STXBP5L: variants seen among roughly 807,000 people sequenced by gnomAD.
STXBP5L encodes syntaxin binding protein 5L, also known as syntaxin-binding protein 5-like.
STXBP5L carries 65 observed loss-of-function variants against 144.5 expected under a neutral mutation model. That is an observed-to-expected ratio of 0.45 (90% CI 0.37 to 0.55). STXBP5L has a LOEUF of 0.55. STXBP5L is among the 20% of genes least tolerant of loss of function. The pLI is 0.00. For missense variants in STXBP5L, 1,298 were observed against 1,405.5 expected (o/e 0.92, Z 1.22); for synonymous variants, 505 against 469.6 (o/e 1.08, Z -0.97).
chr3:120,977,638 T>C (rs2686648), intron 3 of STXBP5L, among the ~76,000 whole-genome samples: 78,209 of 151,878 alleles, frequency 0.51, 20,587 homozygotes, highest in Admixed American at 0.6. Flanking sequence ...TCTTCCTAGC[T>C]TCGATGGTCT....
chr3:121,211,767 A>T (rs2048579866), intron 10 of STXBP5L, among the ~76,000 whole-genome samples: 1 of 151,740 alleles, frequency 6.6e-6, no homozygotes, highest in South Asian at 2.1e-4. Context: ...ACTTTAGAAG[A>T]GACAGGGTTA....
In STXBP5L at chr3:120,984,632, C is replaced by CTTTTTTTTTTTTTTTTTTT. The variant is rs35656223; in HGVS notation, c.287+29599_287+29617dup. Among the ~76,000 whole-genome samples the CTTTTTTTTTTTTTTTTTTT allele has an allele frequency of 2.5e-3, 182 of 71,956 alleles. 1 individual carries two copies. The highest frequency in any genetic ancestry group is 6.2e-3 in the Admixed American group (28 of 4,550). The allele number at this position is 71,956 out of a possible 152,430, so 47.2% of individuals were successfully genotyped here. On this transcript the variant is annotated intron_variant, in intron 3 of 26. Transcript: ENST00000471454. ...TGGATGCCTTTCATTTCTTTCTTTCCTTTTTTTTTTTTTTTTTTTTTTGCC... is the reference window on the plus strand; with the variant it reads ...TGGATGCCTTTCATTTCTTTCTTTCCTTTTTTTTTTTTTTTTTTTTTTTTTTTTTTTTTTTTTTTTTGCC...
At chr3:120,959,131 T>A (rs1938423575) in intron 3 of STXBP5L, among the ~76,000 whole-genome samples, 1 of 152,176 alleles carries the variant, frequency 6.6e-6, no homozygotes, top group Non-Finnish European at 1.5e-5. Context: ...AGCCAAATCA[T>A]GAGTGAACTC....
intron 5 of STXBP5L, among the ~76,000 whole-genome samples, chr3:121,075,208 C>G (rs892615570): frequency 2.6e-5 from 4 of 152,134 alleles, no homozygotes; most frequent in Non-Finnish European, 5.9e-5. Context: ...TTGCCTCTAT[C>G]CTTTTCTCTC....
intron 9 of STXBP5L, among the ~76,000 whole-genome samples, chr3:121,190,913 G>A (rs953557852): frequency 6.6e-5 from 10 of 151,970 alleles, no homozygotes; most frequent in South Asian, 2.1e-4. Context: ...GGTCACGGCC[G>A]GGCAGAGGAG....
intron 20 of STXBP5L, among the ~76,000 whole-genome samples, chr3:121,353,958 G>A (rs758004952): frequency 4.6e-5 from 7 of 152,244 alleles, no homozygotes; most frequent in Non-Finnish European, 5.9e-5. Flanking sequence ...TCATTCAGTG[G>A]CAAGTTGTTC....
chr3:120,960,001 A>G (rs1392043232), intron 3 of STXBP5L, among the ~76,000 whole-genome samples: 1 of 152,198 alleles, frequency 6.6e-6, no homozygotes, highest in East Asian at 1.9e-4. Context: ...TTTGCAATCT[A>G]CCTATCTGAC....
intron 5 of STXBP5L, among the ~76,000 whole-genome samples, chr3:121,107,497 G>C (rs551312613): frequency 1.3e-5 from 2 of 152,062 alleles, no homozygotes; most frequent in Non-Finnish European, 2.9e-5. Flanking sequence ...GCTTCTTTTT[G>C]TCAGGTTTGT....
chr3:120,928,425 G>A (rs1043648979), intron 2 of STXBP5L, among the ~76,000 whole-genome samples: 2 of 152,030 alleles, frequency 1.3e-5, no homozygotes, highest in Admixed American at 6.6e-5. Flanking sequence ...ACCACGCCTG[G>A]CTAATTTTTG....
intron 3 of STXBP5L, among the ~76,000 whole-genome samples, chr3:120,982,571 C>G (rs1941889655): frequency 6.6e-6 from 1 of 152,218 alleles, no homozygotes; most frequent in South Asian, 2.1e-4. Flanking sequence ...TAACTGAGGG[C>G]TGCAGAAAAT....
chr3:121,191,521 A>T (rs987213715), intron 9 of STXBP5L, among the ~76,000 whole-genome samples: 6 of 152,058 alleles, frequency 3.9e-5, no homozygotes, highest in Non-Finnish European at 4.4e-5. Context: ...CATCAGAGGG[A>T]GACTGTGCAA....
chr3:121,109,011 TAAA>T (rs2043849398), intron 5 of STXBP5L, among the ~76,000 whole-genome samples: 1 of 152,118 alleles, frequency 6.6e-6, no homozygotes, highest in African/African-American at 2.4e-5. Flanking sequence ...AGTATGCAAA[TAAA>T]TTAGTGCAAA....
chr3:121,084,569 G>A (rs540914120), intron 5 of STXBP5L, among the ~76,000 whole-genome samples: 19 of 152,182 alleles, frequency 1.2e-4, no homozygotes, highest in African/African-American at 4.6e-4. Flanking sequence ...AGTATTCCAT[G>A]GTGTATATGT....
intron 9 of STXBP5L, among the ~76,000 whole-genome samples, chr3:121,177,394 T>C (rs1382599474): frequency 6.6e-6 from 1 of 152,118 alleles, no homozygotes; most frequent in South Asian, 2.1e-4. Context: ...ATGTAAAGAA[T>C]TCCTACAACT....
chr3:121,008,722 G>A (rs963275768), intron 3 of STXBP5L, among the ~76,000 whole-genome samples: 4 of 151,970 alleles, frequency 2.6e-5, no homozygotes, highest in Admixed American at 1.3e-4. Flanking sequence ...CAATGGTAAT[G>A]TGTCCTTTAT....
At chr3:121,117,539 G>T (rs570953158) in intron 6 of STXBP5L, among the ~76,000 whole-genome samples, 2 of 151,742 alleles carry the variant, frequency 1.3e-5, no homozygotes, top group East Asian at 3.9e-4. Flanking sequence ...GTTAATATGT[G>T]TCAAGTGTAT....
rs145436567 is a variant in STXBP5L at position 121,085,867 on chromosome 3, A to T, written c.471-29058A>T. Among the ~76,000 whole-genome samples the T allele has an allele frequency of 7.4e-4, 113 of 152,270 alleles. 1 individual carries two copies. In the East Asian group the frequency reaches 0.02, roughly 27 times the overall value. On this transcript the variant is annotated intron_variant, in intron 5 of 26. Coordinates refer to ENST00000471454, the MANE Select transcript of STXBP5L (RefSeq NM_001308330.2). Reference sequence around the variant, plus strand: ...CCAAAAAAGGGCCCACATAGCCAAGACAATCCTAAGCAAAAAGAACAAAGC... The same window carrying T: ...CCAAAAAAGGGCCCACATAGCCAAGTCAATCCTAAGCAAAAAGAACAAAGC...
intron 19 of STXBP5L, among the ~76,000 whole-genome samples, chr3:121,297,670 C>T (rs2051714341): frequency 6.6e-6 from 1 of 152,122 alleles, no homozygotes; most frequent in Non-Finnish European, 1.5e-5. Context: ...ATGAGAATTG[C>T]TTGAACCCAG....
intron 9 of STXBP5L, among the ~76,000 whole-genome samples, chr3:121,189,680 A>T (rs1159338101): frequency 6.6e-6 from 1 of 152,010 alleles, no homozygotes; most frequent in Non-Finnish European, 1.5e-5. Flanking sequence ...TTTTCTTTTG[A>T]CTTCAGAATG....
Sources: allele counts gnomAD v4.1 joint callset (sites outside exome capture counted in the v4.1 genomes callset), GRCh38; gene constraint gnomAD v4.1.1; transcripts MANE v1.5; gene names NCBI Gene and HGNC (gene_info 2026-07-23, HGNC 2026-07-21).